Variants in NAALADL2 observed in about 807,000 individuals in gnomAD.
NAALADL2 encodes the protein inactive N-acetylated-alpha-linked acidic dipeptidase-like protein 2.
Under a neutral mutation model 87.2 loss-of-function variants are expected in NAALADL2, and 76 were observed. That is an observed-to-expected ratio of 0.87 (90% confidence interval 0.72 to 1.05). NAALADL2 has a LOEUF of 1.05. Among genes scored for constraint, NAALADL2 ranks in the 50% least tolerant of loss-of-function variants. The pLI is 0.00. For synonymous variants in NAALADL2, 354 were observed against 331.0 expected, an observed-to-expected ratio of 1.07 and a Z score of -0.75; for missense variants, 1,089 against 945.8, an observed-to-expected ratio of 1.15 and a Z score of -1.99.
At chr3:174,573,638 G>T (rs1040227041) in intron 2 of NAALADL2, among the ~76,000 whole-genome samples, 1 of 152,140 alleles carries the variant, frequency 6.6e-6, no homozygotes, top group African/African-American at 2.4e-5. Context: ...AACAAGAGCA[G>T]GTTTGTGCAG....
chr3:174,526,408 A>G (rs759615808), intron 1 of NAALADL2, among the ~76,000 whole-genome samples: 4 of 152,140 alleles, frequency 2.6e-5, no homozygotes, highest in Non-Finnish European at 4.4e-5. Flanking sequence ...TTTTCTCATC[A>G]TGGTATAATG....
intron 5 of NAALADL2, among the ~76,000 whole-genome samples, chr3:175,392,422 T>G (rs1201028090): frequency 6.6e-6 from 1 of 152,190 alleles, no homozygotes; most frequent in Non-Finnish European, 1.5e-5. Flanking sequence ...AATCTTACAT[T>G]CTAGTGAAAT....
At chr3:175,742,379 TTTTTGTTTGTTTG>T (rs1457843526) in intron 12 of NAALADL2, among the ~76,000 whole-genome samples, 4 of 152,118 alleles carry the variant, frequency 2.6e-5, no homozygotes, top group East Asian at 3.9e-4. Context: ...AATGTAAGTT[TTTTTGTTTGTTTG>T]TTTTGTTTGT....
intron 1 of NAALADL2, among the ~76,000 whole-genome samples, chr3:175,022,410 A>G (rs1751676698): frequency 6.6e-6 from 1 of 152,090 alleles, no homozygotes; most frequent in Non-Finnish European, 1.5e-5. Flanking sequence ...TTGGACAATT[A>G]CCTGACAAAT....
chr3:174,699,037 T>C (rs1729299449), intron 2 of NAALADL2, among the ~76,000 whole-genome samples: 1 of 152,076 alleles, frequency 6.6e-6, no homozygotes, highest in Non-Finnish European at 1.5e-5. Context: ...AATACTGCCT[T>C]TTCTTAAACC....
At chr3:174,753,658 G>A (rs1711568085) in intron 3 of NAALADL2, among the ~76,000 whole-genome samples, 1 of 152,158 alleles carries the variant, frequency 6.6e-6, no homozygotes, top group Non-Finnish European at 1.5e-5. Flanking sequence ...GAATTGAATA[G>A]TATGTGTGAG....
chr3:174,578,223 T>C (rs1207246036), intron 2 of NAALADL2, among the ~76,000 whole-genome samples: 1 of 152,010 alleles, frequency 6.6e-6, no homozygotes, highest in Non-Finnish European at 1.5e-5. Context: ...TTTGAAAATA[T>C]ACTTGCCAAA....
chr3:174,882,808 TGTGC>T (rs1175201984), intron 1 of NAALADL2, among the ~76,000 whole-genome samples: 22 of 103,890 alleles, frequency 2.1e-4, no homozygotes, highest in African/African-American at 1.0e-3. Context: ...CGTGTGTATA[TGTGC>T]ATATGTGTAT....
At chr3:175,781,356 G>A (rs1200619872) in intron 13 of NAALADL2, among the ~76,000 whole-genome samples, 1 of 151,956 alleles carries the variant, frequency 6.6e-6, no homozygotes, top group Non-Finnish European at 1.5e-5. Context: ...GATTATAATG[G>A]GGCTGAAAAT....
chr3:174,555,095 G>C (rs1712593797), intron 2 of NAALADL2, among the ~76,000 whole-genome samples: 1 of 152,160 alleles, frequency 6.6e-6, no homozygotes, highest in Non-Finnish European at 1.5e-5. Context: ...CTGGAGATTA[G>C]CTTTCTACAT....
At chr3:175,135,597 T>A (rs1729001105) in intron 2 of NAALADL2, among the ~76,000 whole-genome samples, 2 of 152,140 alleles carry the variant, frequency 1.3e-5, no homozygotes, top group Non-Finnish European at 2.9e-5. Flanking sequence ...AAGAAAGATG[T>A]TGATTTCAAA....
chr3:174,512,091 C>G (rs918403078), intron 1 of NAALADL2, among the ~76,000 whole-genome samples: 1 of 152,110 alleles, frequency 6.6e-6, no homozygotes, highest in Non-Finnish European at 1.5e-5. Flanking sequence ...TGTATACATG[C>G]AAATTTCTAT....
chr3:174,691,387 G>A (rs1728562970), intron 2 of NAALADL2, among the ~76,000 whole-genome samples: 1 of 151,758 alleles, frequency 6.6e-6, no homozygotes, highest in Admixed American at 6.6e-5. Flanking sequence ...ACTCTGGCCT[G>A]GGTGACAGAG....
At chr3:174,859,195 C>T, upstream of NAALADL2, 5 of 548,648 alleles carry the variant, frequency 9.1e-6, no homozygotes, top group Non-Finnish European at 1.6e-5. Context: ...ACTTTAATAG[C>T]CATACAGTGG....
chr3:175,306,744 G>A (rs1757772480), intron 4 of NAALADL2, among the ~76,000 whole-genome samples: 1 of 152,182 alleles, frequency 6.6e-6, no homozygotes, highest in Non-Finnish European at 1.5e-5. Context: ...TACTAGGGAG[G>A]CTGAGGCAGG....
intron 3 of NAALADL2, among the ~76,000 whole-genome samples, chr3:174,845,026 G>A (rs954561468): frequency 6.6e-6 from 1 of 151,898 alleles, no homozygotes; most frequent in Non-Finnish European, 1.5e-5. Context: ...TTTGGAAAAT[G>A]TGATGGTGGA....
chr3:175,498,489 C>T (rs1025531934), intron 9 of NAALADL2, among the ~76,000 whole-genome samples: 3 of 151,916 alleles, frequency 2.0e-5, no homozygotes, highest in African/African-American at 7.2e-5. Flanking sequence ...ACCTAGGTTA[C>T]CACTCTACTA....
At chr3:175,256,587 G>C in intron 4 of NAALADL2, 57 bp downstream of exon 4, 2 of 1,557,862 alleles carry the variant, frequency 1.3e-6, no homozygotes, top group Non-Finnish European at 1.7e-6. Context: ...TGTTTTGTTG[G>C]AATTATATGC....
chr3:175,316,718 A>T (rs1422989212), intron 4 of NAALADL2, among the ~76,000 whole-genome samples: 2 of 152,202 alleles, frequency 1.3e-5, no homozygotes, highest in East Asian at 1.9e-4. Flanking sequence ...ATTTTAAAAA[A>T]TATAGTCCTT....
Sources: allele counts gnomAD v4.1 joint callset (sites outside exome capture counted in the v4.1 genomes callset), GRCh38; gene constraint gnomAD v4.1.1; transcripts MANE v1.5; gene names NCBI Gene and HGNC (gene_info 2026-07-23, HGNC 2026-07-21).